NAT1: variants seen among roughly 807,000 people sequenced by gnomAD.
NAT1 encodes arylamine N-acetyltransferase 1.
For missense variants in NAT1, 400 were observed against 339.2 expected (o/e 1.18, Z -1.41); for synonymous variants, 144 against 122.6 (o/e 1.17, Z -1.16).
chr8:18,217,031 A>G, intron 1 of NAT1: 1 of 1,395,012 alleles, frequency 7.2e-7, no homozygotes, highest in Non-Finnish European at 9.8e-7. Context: ...AGTTTCGCAT[A>G]CAAAAAGGGA....
chr8:18,171,453 G>A (rs1187618781), intron 2 of NAT1, among the ~76,000 whole-genome samples: 1 of 152,114 alleles, frequency 6.6e-6, no homozygotes, highest in African/African-American at 2.4e-5. Context: ...TGAAGAAAGA[G>A]GGGTGCAGTT....
intron 2 of NAT1, among the ~76,000 whole-genome samples, chr8:18,199,111 C>T (rs769952969): frequency 6.6e-6 from 1 of 151,666 alleles, no homozygotes; most frequent in African/African-American, 2.4e-5. Context: ...GTCAGGAGTT[C>T]GAAACCAGCC....
chr8:18,194,251 G>A (rs1279168439), intron 2 of NAT1, among the ~76,000 whole-genome samples: 2 of 152,278 alleles, frequency 1.3e-5, no homozygotes, highest in Middle Eastern at 3.4e-3. Flanking sequence ...GAGCTGCACT[G>A]GGCATTTTCT....
At chr8:18,215,787 G>GATTCCAC (rs1358690988) in intron 1 of NAT1, among the ~76,000 whole-genome samples, 1 of 152,050 alleles carries the variant, frequency 6.6e-6, no homozygotes, top group Non-Finnish European at 1.5e-5. Context: ...TTTATTTGCT[G>GATTCCAC]CTTGAATCTG....
Position 18,172,241 on chromosome 8 carries a change from A to C in NAT1, n.92+1502A>C, listed in dbSNP as rs1398051343. ...AGAAGAAGAGAATAGCAGGCAGTGT[A>C]TGCTGTTACAATAGAAACTTTTAAG... is the stretch of plus-strand genomic sequence containing the variant. On this transcript the variant is annotated intron_variant and non_coding_transcript_variant, in intron 2 of 4. Coordinates refer to the NAT1 transcript ENST00000517441. Among the ~76,000 whole-genome samples, 7 of 152,176 alleles carry C rather than the reference A, an allele frequency of 4.6e-5. 1 individual carries two copies.
intron 1 of NAT1, among the ~76,000 whole-genome samples, chr8:18,214,243 C>G (rs550284211): frequency 4.6e-5 from 7 of 152,306 alleles, no homozygotes; most frequent in African/African-American, 1.7e-4. Flanking sequence ...AGTGTGACCT[C>G]TCTACTTTTT....
intron 2 of NAT1, among the ~76,000 whole-genome samples, chr8:18,175,255 A>G (rs886749466): frequency 1.3e-5 from 2 of 151,988 alleles, no homozygotes; most frequent in Non-Finnish European, 2.9e-5. Context: ...CAATTATGAA[A>G]TATACATTAT....
chr8:18,199,338 AT>A (rs1421292812), intron 2 of NAT1, among the ~76,000 whole-genome samples: 5 of 148,650 alleles, frequency 3.4e-5, no homozygotes, highest in Admixed American at 6.7e-5. Flanking sequence ...AAAAAAAAAA[AT>A]TTTTTTGTTT....
rs1413473345 is a variant in NAT1, at chr8:18,222,316, G to A, written c.269G>A (p.Gly90Glu). The A allele has an allele frequency of 6.2e-7, 1 of 1,614,120 alleles. No individual in the cohort carries two copies. The highest frequency in any genetic ancestry group is 8.5e-7 in the Non-Finnish European group (1 of 1,180,014). ...ATTGGTTTTGAGACCACGATGTTGGGAGGGTATGTTTACAGCACTCCAGCC... is the reference window on the plus strand; with the variant it reads ...ATTGGTTTTGAGACCACGATGTTGGAAGGGTATGTTTACAGCACTCCAGCC... ...TTIGFETTML[G>E]GYVYSTPAKK... The change falls in exon 3 of 3, where the codon GGA becomes GAA. Residue 90 changes from glycine to glutamate, a missense_variant. Gly to Glu is a moderately conservative substitution (Grantham distance 98). Coordinates refer to ENST00000307719, the MANE Select transcript of NAT1 (RefSeq NM_000662.8).
Position 18,210,667 on chromosome 8 carries a change from G to A in NAT1, c.-86+487G>A, listed in dbSNP as rs17126342. ...AGTTAATCCTACAGGCAGCAAGCTC[G>A]TAATAATTCCTGCTCCTCTTGCACT... On this transcript the variant is annotated intron_variant, in intron 1 of 2. Transcript: ENST00000307719. Among the ~76,000 whole-genome samples, 1,419 of 152,302 alleles carry A rather than the reference G, an allele frequency of 9.3e-3. 28 individuals are homozygous for A. Among genetic ancestry groups the A allele is most frequent in the African/African-American group, 0.032 (1,344 of 41,558 alleles).
intron 1 of NAT1, among the ~76,000 whole-genome samples, chr8:18,216,024 A>G (rs1475902532): frequency 6.6e-6 from 1 of 150,774 alleles, no homozygotes; most frequent in African/African-American, 2.4e-5. Flanking sequence ...CTGGGTAGGG[A>G]AAATAGTGAT....
At chr8:18,182,658 T>C (rs2117225805) in intron 2 of NAT1, among the ~76,000 whole-genome samples, 1 of 152,324 alleles carries the variant, frequency 6.6e-6, no homozygotes, top group East Asian at 1.9e-4. Context: ...ACTAACTAAG[T>C]CATGTTTTCT....
At chr8:18,196,152 G>A (rs900951371) in intron 2 of NAT1, among the ~76,000 whole-genome samples, 41 of 151,594 alleles carry the variant, frequency 2.7e-4, no homozygotes, top group African/African-American at 7.5e-4. Flanking sequence ...GTCTCACTAT[G>A]TTGCCCAGGC....
At chr8:18,214,359 A>G (rs912271359) in intron 1 of NAT1, among the ~76,000 whole-genome samples, 7 of 152,142 alleles carry the variant, frequency 4.6e-5, no homozygotes, top group Non-Finnish European at 8.8e-5. Flanking sequence ...TTACCTTTAT[A>G]TTCATGTTGC....
At chr8:18,176,587 G>A (rs930644925) in intron 2 of NAT1, among the ~76,000 whole-genome samples, 1 of 122,968 alleles carries the variant, frequency 8.1e-6, no homozygotes, top group Non-Finnish European at 1.7e-5. Flanking sequence ...CCAGTGCCAT[G>A]CTGTTTTTTT....
chr8:18,174,435 C>T (rs922395800), intron 2 of NAT1, among the ~76,000 whole-genome samples: 3 of 152,024 alleles, frequency 2.0e-5, no homozygotes, highest in Non-Finnish European at 4.4e-5. Flanking sequence ...AGTAAAGTTC[C>T]TACTGTTTTC....
chr8:18,188,166 T>C (rs1261975065), intron 2 of NAT1, among the ~76,000 whole-genome samples: 1 of 152,194 alleles, frequency 6.6e-6, no homozygotes, highest in Non-Finnish European at 1.5e-5. Context: ...AATAGCATAA[T>C]AGAAAGTCTG....
chr8:18,187,083 G>A (rs903599718), intron 2 of NAT1, among the ~76,000 whole-genome samples: 1 of 152,198 alleles, frequency 6.6e-6, no homozygotes, highest in African/African-American at 2.4e-5. Flanking sequence ...TAGCTGGAAT[G>A]AAGTGTTGTC....
chr8:18,173,951 T>A (rs1802193701), intron 2 of NAT1, among the ~76,000 whole-genome samples: 1 of 152,154 alleles, frequency 6.6e-6, no homozygotes, highest in Non-Finnish European at 1.5e-5. Flanking sequence ...ATATCCACTT[T>A]TAATCTAACT....
Sources: gnomAD v4.1 joint callset for allele counts (sites outside exome capture counted in the v4.1 genomes callset) on GRCh38, gnomAD v4.1.1 for gene constraint, MANE v1.5 for transcripts, NCBI Gene and HGNC (gene_info 2026-07-23, HGNC 2026-07-21) for gene names.